KIF26B: variants seen among roughly 807,000 people sequenced by gnomAD.
The protein encoded by KIF26B is kinesin family member 26B, also known as kinesin-like protein KIF26B.
A neutral mutation model predicts 151.2 loss-of-function variants in KIF26B; 63 were observed. That is an observed-to-expected ratio of 0.42 (90% CI 0.34 to 0.51). The LOEUF (loss-of-function observed/expected upper bound fraction) is 0.51, where lower values mean the gene tolerates loss of function less well. Among genes scored for constraint, KIF26B ranks in the 20% least tolerant of loss-of-function variants. The pLI is 0.07. For missense variants in KIF26B, 2,813 were observed against 2,913.6 expected (o/e 0.97, Z 0.79); for synonymous variants, 1,357 against 1,262.1 (o/e 1.08, Z -1.59).
intron 4 of KIF26B, among the ~76,000 whole-genome samples, chr1:245,437,321 C>T (rs921439531): frequency 6.6e-6 from 1 of 152,160 alleles, no homozygotes; most frequent in African/African-American, 2.4e-5. Context: ...CACCTGTTAA[C>T]GTGTTGAATG....
rs779916680 is a variant in KIF26B at position 245,155,451 on chromosome 1, G to A, written c.27G>A (p.Glu9=). Residue 9 remains glutamate (E), a synonymous_variant, in exon 1 of 15, where the codon GAG becomes GAA. Transcript: ENST00000407071. MNSVAGNK[E]RLAVSTRGKK... ...TGAATTCGGTAGCTGGGAATAAAGA[G>A]AGGCTTGCGGTCTCCACCAGGGGCA... The A allele has an allele frequency of 6.2e-7, 1 of 1,612,370 alleles. No homozygotes were observed. Among genetic ancestry groups the A allele is most frequent in the Non-Finnish European group, 8.5e-7 (1 of 1,179,190 alleles).
chr1:245,419,004 C>CA lies in KIF26B; in HGVS notation c.1000-569dup, dbSNP rs141511936. Among the ~76,000 whole-genome samples, 375 of 152,260 alleles carry CA rather than the reference C, an allele frequency of 2.5e-3. 1 individual carries two copies. The highest frequency in any genetic ancestry group is 8.4e-3 in the African/African-American group (350 of 41,540). On this transcript the variant is annotated intron_variant, in intron 3 of 14. Coordinates refer to ENST00000407071, the MANE Select transcript of KIF26B (RefSeq NM_018012.4). ...GTCTGTTGAAATGATCTGAACCCTT[C>CA]AAAAAATATTGGTAATTCATTGTGG...
At chr1:245,688,883 G>A in intron 12 of KIF26B, 76 bp downstream of exon 12, 2 of 1,469,342 alleles carry the variant, frequency 1.4e-6, no homozygotes, top group Admixed American at 4.8e-5. Flanking sequence ...CTGCCAGGGT[G>A]TCCCGTGCCC....
At chr1:245,183,732 A>G (rs2103528755) in intron 2 of KIF26B, among the ~76,000 whole-genome samples, 1 of 152,226 alleles carries the variant, frequency 6.6e-6, no homozygotes, top group East Asian at 1.9e-4. Context: ...TGCAGGTGTG[A>G]GATGGACTCC....
At chr1:245,405,627 T>G (rs1057152812) in intron 3 of KIF26B, among the ~76,000 whole-genome samples, 7 of 151,606 alleles carry the variant, frequency 4.6e-5, no homozygotes, top group Non-Finnish European at 8.8e-5. Context: ...TGATGTTGTT[T>G]TTTTTTTTTG....
Position 245,702,639 on chromosome 1 carries a change from C to T in KIF26B, c.*33C>T, listed in dbSNP as rs375244964. ...AGACCCTTGTCCTAGTGGTCCCCCG[C>T]TCCCCAGGACTTCAGAGATGTTGCA... On this transcript the variant is annotated 3_prime_UTR_variant, in exon 15 of 15. Transcript: ENST00000407071. The surrounding 1 kb of genome is among the most constrained non-coding windows in gnomAD (Gnocchi z 4.1). The T allele has an allele frequency of 1.2e-6, 2 of 1,601,282 alleles. No individual in the cohort carries two copies. Among genetic ancestry groups the T allele is most frequent in the Non-Finnish European group, 8.5e-7 (1 of 1,172,780 alleles).
intron 4 of KIF26B, among the ~76,000 whole-genome samples, chr1:245,435,578 C>T (rs1408936435): frequency 2.0e-5 from 3 of 152,148 alleles, no homozygotes; most frequent in African/African-American, 7.2e-5. Context: ...GCCAGGCTGG[C>T]GCATGATAAA....
intron 4 of KIF26B, among the ~76,000 whole-genome samples, chr1:245,529,573 A>T (rs1661315024): frequency 6.6e-6 from 1 of 152,184 alleles, no homozygotes; most frequent in African/African-American, 2.4e-5. Flanking sequence ...TTTTTTAATT[A>T]AATATTTTCT....
intron 2 of KIF26B, among the ~76,000 whole-genome samples, chr1:245,345,446 T>A (rs1373253707): frequency 6.6e-6 from 1 of 152,148 alleles, no homozygotes; most frequent in African/African-American, 2.4e-5. Context: ...ACCTCTCTCC[T>A]ACTCACCACG....
chr1:245,303,157 A>G (rs915399526), intron 2 of KIF26B, among the ~76,000 whole-genome samples: 1 of 146,154 alleles, frequency 6.8e-6, no homozygotes, highest in African/African-American at 2.5e-5. Context: ...GAATTCCCTT[A>G]TCTGCTGTAA....
At chr1:245,446,910 T>C (rs919348714) in intron 4 of KIF26B, among the ~76,000 whole-genome samples, 19 of 152,082 alleles carry the variant, frequency 1.2e-4, no homozygotes, top group Admixed American at 5.9e-4. Context: ...GAAAAGGAGG[T>C]TCCATGATTT....
In KIF26B at chr1:245,167,124, C is replaced by A. The variant is rs919562956; in HGVS notation, c.465+10441C>A. Among the ~76,000 whole-genome samples, 1 of 152,048 alleles carries A rather than the reference C, an allele frequency of 6.6e-6. No homozygotes were observed. Among genetic ancestry groups the A allele is most frequent in the South Asian group, 2.1e-4 (1 of 4,834 alleles). ...GTTATTGGAACAAATTTTAGCTCTC[C>A]ACACAGCATGGTTCTAAAATCTTTG... On this transcript the variant is annotated intron_variant, in intron 2 of 14. Coordinates refer to ENST00000407071, the MANE Select transcript of KIF26B (RefSeq NM_018012.4). This position sits in a 1 kb window ranked among gnomAD's most constrained non-coding sequence, Gnocchi z 4.2.
At position 245,367,630 on chromosome 1, in the gene KIF26B, A is replaced by C. The variant is rs1672994420; in HGVS notation, c.999+263A>C. 6.6e-6 allele frequency among the ~76,000 whole-genome samples: 1 copy of C among 152,182 alleles called. No individual in the cohort carries two copies. Among genetic ancestry groups the C allele is most frequent in the Non-Finnish European group, 1.5e-5 (1 of 68,030 alleles). On this transcript the variant is annotated intron_variant, in intron 3 of 14. Coordinates refer to ENST00000407071, the MANE Select transcript of KIF26B (RefSeq NM_018012.4). The surrounding 1 kb of genome is among the most constrained non-coding windows in gnomAD (Gnocchi z 4.2). ...CCTTCCTGAGAGACCCTCTTTGTGT[A>C]AGAGGTCCTTGCTGGTCCAGGTGAT...
chr1:245,294,899 G>A (rs1424534748), intron 2 of KIF26B, among the ~76,000 whole-genome samples: 1 of 152,170 alleles, frequency 6.6e-6, no homozygotes, highest in African/African-American at 2.4e-5. Flanking sequence ...CTGATCTCAA[G>A]TGATCCACCT....
intron 4 of KIF26B, among the ~76,000 whole-genome samples, chr1:245,434,695 ACACCCCAG>A (rs889889880): frequency 1.6e-4 from 24 of 151,944 alleles, no homozygotes; most frequent in Non-Finnish European, 2.9e-5. Flanking sequence ...TGGTGGATAA[ACACCCCAG>A]CTCTCTTGTC....
rs552617037 is a variant in KIF26B at position 245,378,647 on chromosome 1, G to A, written c.999+11280G>A. Among the ~76,000 whole-genome samples, 4 of 152,304 alleles carry A rather than the reference G, an allele frequency of 2.6e-5. No individual in the cohort carries two copies. In the South Asian group the frequency reaches 8.3e-4, roughly 32 times the overall value. ...CAGGCTCCATGGTGAGCAGGCCAAG[G>A]GGGAAACAACAGCTACTGCTTTTTT... On this transcript the variant is annotated intron_variant, in intron 3 of 14. Coordinates refer to ENST00000407071, the MANE Select transcript of KIF26B (RefSeq NM_018012.4).
rs565300410 is a variant in KIF26B at position 245,686,584 on chromosome 1, G to C, written c.3601G>C (p.Val1201Leu). The C allele has an allele frequency of 1.9e-6, 3 of 1,612,440 alleles. No individual in the cohort carries two copies. The South Asian group carries it at 3.3e-5, about 18-fold the overall frequency. Residue 1201 changes from valine (V) to leucine (L), a missense_variant, in exon 12 of 15, where the codon GTC becomes CTC. Coordinates refer to ENST00000407071, the MANE Select transcript of KIF26B (RefSeq NM_018012.4). The surrounding 1 kb of genome is among the most constrained non-coding windows in gnomAD (Gnocchi z 5.6). ...GGTGGAGGAGCTGACCATCAGCGGG[G>C]TCCTGGACAGCGGCCGCCCCACCAG... ...TLVEELTISG[V>L]LDSGRPTSII...
chr1:245,238,700 A>C (rs982554085), intron 2 of KIF26B, among the ~76,000 whole-genome samples: 3 of 152,036 alleles, frequency 2.0e-5, no homozygotes, highest in African/African-American at 7.3e-5. Flanking sequence ...ATCTCTACTA[A>C]AAATACAAAA....
At chr1:245,256,048 G>C (rs1387053946) in intron 2 of KIF26B, among the ~76,000 whole-genome samples, 1 of 152,086 alleles carries the variant, frequency 6.6e-6, no homozygotes, top group Non-Finnish European at 1.5e-5. Flanking sequence ...TTCTGCCTTT[G>C]GTGTTCTGCT....
Sources: gnomAD v4.1 joint callset for allele counts (sites outside exome capture counted in the v4.1 genomes callset) on GRCh38, gnomAD v4.1.1 for gene constraint, Gnocchi (gnomAD v3.1) non-coding constraint, MANE v1.5 for transcripts, NCBI Gene and HGNC (gene_info 2026-07-23, HGNC 2026-07-21) for gene names.